LDLRAD3: variants seen among roughly 807,000 people sequenced by gnomAD.
LDLRAD3 encodes the protein low-density lipoprotein receptor class A domain-containing protein 3.
Under a neutral mutation model 29.4 loss-of-function variants are expected in LDLRAD3, and 20 were observed. The ratio of observed to expected loss-of-function variants is 0.68; its 90% CI spans 0.48 to 0.99. LDLRAD3 has a LOEUF of 0.99. Ranked by LOEUF, LDLRAD3 falls within the 50% of genes least tolerant of loss-of-function variation. The pLI, the probability that LDLRAD3 is intolerant of heterozygous loss-of-function variation, is 0.00. For missense variants in LDLRAD3, 420 were observed against 454.3 expected (o/e 0.92, Z 0.69); for synonymous variants, 157 against 192.7 (o/e 0.81, Z 1.53).
chr11:36,191,035 C>T (rs990200350), intron 4 of LDLRAD3, among the ~76,000 whole-genome samples: 6 of 152,092 alleles, frequency 3.9e-5, no homozygotes, highest in African/African-American at 7.2e-5. Flanking sequence ...CTAATAAATA[C>T]GGTCTACCAA....
chr11:35,955,137 C>A (rs747630672), intron 1 of LDLRAD3, among the ~76,000 whole-genome samples: 1 of 151,962 alleles, frequency 6.6e-6, no homozygotes, highest in Non-Finnish European at 1.5e-5. Context: ...CCCAGCTACT[C>A]GGGAGGCCGA....
At chr11:35,965,804 G>A (rs1279754052) in intron 1 of LDLRAD3, among the ~76,000 whole-genome samples, 11 of 151,956 alleles carry the variant, frequency 7.2e-5, no homozygotes, top group South Asian at 2.1e-4. Flanking sequence ...TAAAAAATTC[G>A]CTTTTTAAAA....
At position 36,020,946 on chromosome 11, in the gene LDLRAD3, A is replaced by G. The variant is rs144928380; in HGVS notation, c.47-15157A>G. On this transcript the variant is annotated intron_variant, in intron 1 of 5. Transcript: ENST00000315571. Reference sequence around the variant, plus strand: ...CCAAAGAGGTAAGAGAAGCATTTGGACTAGGGTTGTGAGTGACAGGGATGG... The same window carrying G: ...CCAAAGAGGTAAGAGAAGCATTTGGGCTAGGGTTGTGAGTGACAGGGATGG... 2.0e-5 allele frequency among the ~76,000 whole-genome samples: 3 copies of G among 152,296 alleles called. No individual in the cohort carries two copies. In the East Asian group the frequency reaches 5.8e-4, roughly 29 times the overall value.
chr11:36,188,457 T>C (rs1309677603), intron 4 of LDLRAD3, among the ~76,000 whole-genome samples: 1 of 137,684 alleles, frequency 7.3e-6, no homozygotes, highest in East Asian at 2.1e-4. Context: ...ACTCAGAAAA[T>C]GGAATTCTAA....
chr11:36,159,394 G>A (rs1468812295), intron 4 of LDLRAD3, among the ~76,000 whole-genome samples: 8 of 151,712 alleles, frequency 5.3e-5, no homozygotes, highest in East Asian at 1.9e-4. Context: ...ACCTGAGCTC[G>A]GGAGGTTGAT....
intron 2 of LDLRAD3, among the ~76,000 whole-genome samples, chr11:36,067,582 G>T (rs1852816650): frequency 1.3e-5 from 2 of 152,038 alleles, no homozygotes; most frequent in African/African-American, 4.8e-5. Flanking sequence ...GCACAGAGTG[G>T]GTAACCAACT....
At chr11:35,956,411 G>A (rs769759299) in intron 1 of LDLRAD3, among the ~76,000 whole-genome samples, 1 of 152,196 alleles carries the variant, frequency 6.6e-6, no homozygotes, top group Non-Finnish European at 1.5e-5. Context: ...TATGGATTGT[G>A]TAGAGCTTTG....
chr11:36,190,523 A>T (rs1854924964), intron 4 of LDLRAD3, among the ~76,000 whole-genome samples: 2 of 152,192 alleles, frequency 1.3e-5, no homozygotes, highest in African/African-American at 4.8e-5. Context: ...TAATGGAAAA[A>T]GTTAGGTCAT....
chr11:36,125,713 T>C (rs961229480), intron 4 of LDLRAD3, among the ~76,000 whole-genome samples: 1 of 152,154 alleles, frequency 6.6e-6, no homozygotes, highest in African/African-American at 2.4e-5. Flanking sequence ...TGCTGTAAGG[T>C]GAACAGATTT....
intron 4 of LDLRAD3, among the ~76,000 whole-genome samples, chr11:36,209,353 C>CT (rs71044560): frequency 0.058 from 3,952 of 68,538 alleles, 564 homozygotes; most frequent in African/African-American, 0.2. Context: ...AGAAACTGTA[C>CT]TTTTTTTTTT....
chr11:36,192,137 T>G (rs151308335), intron 4 of LDLRAD3, among the ~76,000 whole-genome samples: 142 of 152,338 alleles, frequency 9.3e-4, no homozygotes, highest in African/African-American at 3.4e-3. Flanking sequence ...CTCTTACAAC[T>G]ATTTGACTCT....
At chr11:36,103,918 T>C (rs1853488010) in intron 4 of LDLRAD3, among the ~76,000 whole-genome samples, 1 of 152,236 alleles carries the variant, frequency 6.6e-6, no homozygotes, top group Admixed American at 6.5e-5. Flanking sequence ...ATATGTCACA[T>C]TTGGTTTATC....
At chr11:36,103,650 C>G (rs774243980) in intron 4 of LDLRAD3, among the ~76,000 whole-genome samples, 6 of 152,062 alleles carry the variant, frequency 3.9e-5, no homozygotes, top group Admixed American at 3.3e-4. Flanking sequence ...TTAGGCGTGC[C>G]GAAGGTTTGG....
intron 1 of LDLRAD3, among the ~76,000 whole-genome samples, chr11:36,005,540 A>T (rs1311746029): frequency 6.6e-6 from 1 of 152,204 alleles, no homozygotes; most frequent in Admixed American, 6.5e-5. Flanking sequence ...GGAAGTTCCA[A>T]ACTTTCCCAC....
intron 4 of LDLRAD3, among the ~76,000 whole-genome samples, chr11:36,121,106 A>C (rs369785404): frequency 2.6e-5 from 4 of 152,210 alleles, no homozygotes; most frequent in African/African-American, 9.6e-5. Flanking sequence ...CCCGGTATCC[A>C]GGGCATCATA....
chr11:36,091,729 G>A (rs1853284231), intron 3 of LDLRAD3, among the ~76,000 whole-genome samples: 1 of 152,178 alleles, frequency 6.6e-6, no homozygotes, highest in Admixed American at 6.5e-5. Context: ...ATTTCTCAGT[G>A]ACTGGTAAGC....
chr11:36,149,123 G>T (rs555527853), intron 4 of LDLRAD3, among the ~76,000 whole-genome samples: 18 of 152,330 alleles, frequency 1.2e-4, no homozygotes, highest in Admixed American at 1.2e-3. Flanking sequence ...GATGAGTTCT[G>T]TTGAGTACCA....
chr11:36,091,661 GAAAT>G lies in LDLRAD3; in HGVS notation c.320-6660_320-6657del, dbSNP rs1853282775. On this transcript the variant is annotated intron_variant, in intron 3 of 5. Coordinates refer to ENST00000315571, the MANE Select transcript of LDLRAD3 (RefSeq NM_174902.4). The stretch of plus-strand genomic sequence containing the variant: ...GCAGACAATTTTTTCCACCCCTAGT[GAAAT>G]AAATATTGTAAAATAGAATGTTCCT... Among the ~76,000 whole-genome samples, 3 of 152,114 alleles carry G rather than the reference GAAAT, an allele frequency of 2.0e-5. No individual in the cohort carries two copies. In the South Asian group the frequency reaches 6.2e-4, roughly 32 times the overall value.
intron 2 of LDLRAD3, among the ~76,000 whole-genome samples, chr11:36,052,128 C>T (rs1852538011): frequency 6.6e-6 from 1 of 152,160 alleles, no homozygotes; most frequent in South Asian, 2.1e-4. Context: ...CATTGCCAGC[C>T]TCTTTTGATG....
Sources: allele counts gnomAD v4.1 joint callset (sites outside exome capture counted in the v4.1 genomes callset), GRCh38; gene constraint gnomAD v4.1.1; transcripts MANE v1.5; gene names NCBI Gene and HGNC (gene_info 2026-07-23, HGNC 2026-07-21).